The following FBXO47 variants were observed in gnomAD, a reference collection of about 807,000 sequenced individuals.
FBXO47 encodes the protein F-box protein 47.
Under a neutral mutation model 53.9 loss-of-function variants are expected in FBXO47, and 34 were observed. The observed-to-expected ratio is 0.63, with a 90% CI of 0.48 to 0.84. The LOEUF (loss-of-function observed/expected upper bound fraction) is 0.84. Ranked by LOEUF, FBXO47 falls within the 40% of genes least tolerant of loss-of-function variation. The pLI is 0.00. For synonymous variants in FBXO47, 165 were observed against 181.6 expected (o/e 0.91, Z 0.73); for missense variants, 485 against 541.3 (o/e 0.90, Z 1.03).
intron 9 of FBXO47, among the ~76,000 whole-genome samples, chr17:38,941,133 A>T (rs9896240): frequency 6.6e-6 from 1 of 151,222 alleles, no homozygotes; most frequent in African/African-American, 2.4e-5. Flanking sequence ...ACAGGCACGC[A>T]TGCCACAACT....
intron 8 of FBXO47, among the ~76,000 whole-genome samples, chr17:38,943,179 T>C (rs1904588029): frequency 6.6e-6 from 1 of 152,152 alleles, no homozygotes; most frequent in Non-Finnish European, 1.5e-5. Context: ...GGCAAAGTGT[T>C]CTAATCCTGT....
intron 6 of FBXO47, among the ~76,000 whole-genome samples, chr17:38,945,619 C>T (rs550959647): frequency 1.3e-5 from 2 of 151,554 alleles, no homozygotes; most frequent in African/African-American, 2.4e-5. Context: ...GCCAATATGG[C>T]GAAACCCTGT....
chr17:38,947,093 A>C (rs1411685025), intron 6 of FBXO47, among the ~76,000 whole-genome samples: 1 of 137,078 alleles, frequency 7.3e-6, no homozygotes, highest in Non-Finnish European at 1.5e-5. Flanking sequence ...CATATATATA[A>C]ACATATATAT....
chr17:38,940,577 T>C (rs531230221), intron 9 of FBXO47, among the ~76,000 whole-genome samples: 1 of 152,106 alleles, frequency 6.6e-6, no homozygotes, highest in South Asian at 2.1e-4. Flanking sequence ...ACTGAACTGC[T>C]TACAGTGTCC....
intron 6 of FBXO47, among the ~76,000 whole-genome samples, chr17:38,946,320 A>G (rs1458949645): frequency 4.5e-4 from 45 of 99,484 alleles, no homozygotes; most frequent in South Asian, 6.8e-4. Flanking sequence ...ATATAAATAT[A>G]TATAAATATA....
intron 7 of FBXO47, among the ~76,000 whole-genome samples, chr17:38,944,460 T>C (rs1417322298): frequency 1.3e-5 from 2 of 151,236 alleles, no homozygotes; most frequent in Non-Finnish European, 2.9e-5. Flanking sequence ...CCCAGCACTT[T>C]GGAAGGCCGA....
intron 6 of FBXO47, among the ~76,000 whole-genome samples, chr17:38,945,792 C>T (rs938866470): frequency 2.0e-4 from 30 of 150,936 alleles, no homozygotes; most frequent in Non-Finnish European, 3.8e-4. Context: ...AAAAATAAGC[C>T]GGGAGTGATG....
intron 6 of FBXO47, among the ~76,000 whole-genome samples, chr17:38,950,619 C>A (rs1366986038): frequency 3.3e-5 from 5 of 151,932 alleles, no homozygotes; most frequent in Non-Finnish European, 5.9e-5. Flanking sequence ...CATTCATATG[C>A]ATGTCTCCTT....
In FBXO47 at chr17:38,936,574, T is replaced by C. The variant is rs1258635408; in HGVS notation, c.*601A>G. The C allele has an allele frequency of 6.7e-6, 1 of 150,294 alleles. No homozygotes were observed. Among genetic ancestry groups the C allele is most frequent in the East Asian group, 2.0e-4 (1 of 4,928 alleles). 9.3% of individuals were successfully genotyped at this position (150,294 alleles called of 1,614,324 possible). ...TATGATTACCTTAAAGAAGGAAATA[T>C]ATGTCTGTGTGTGTGTGTCTATATA... is the stretch of plus-strand genomic sequence containing the variant. On this transcript the variant is annotated 3_prime_UTR_variant, in exon 11 of 11. Transcript: ENST00000378079.
intron 3 of FBXO47, among the ~76,000 whole-genome samples, 178 bp from the exon 4 acceptor site, chr17:38,957,431 T>C (rs1385591002): frequency 6.6e-6 from 1 of 152,182 alleles, no homozygotes; most frequent in Non-Finnish European, 1.5e-5. Context: ...ATTTATGGTA[T>C]TTACCAAGTG....
intron 4 of FBXO47, among the ~76,000 whole-genome samples, chr17:38,955,835 G>A (rs1905524685): frequency 6.6e-6 from 1 of 151,874 alleles, no homozygotes; most frequent in Non-Finnish European, 1.5e-5. Flanking sequence ...GCGCACGCCT[G>A]TAATCCTAGC....
Position 38,945,102 on chromosome 17 carries a change from G to A in FBXO47, c.651C>T (p.Leu217=). The A allele has an allele frequency of 6.2e-7, 1 of 1,613,650 alleles. No individual in the cohort carries two copies. ...GATCAAGGAGGACATTCCTACAGAA[G>A]AGTCTGATTCTTAACTCCAGTTTTT... ...SAQKLELRIR[L]FCRNVLLDHW... The change falls in exon 7 of 11, where the codon CTC becomes CTT. Residue 217 remains leucine, a synonymous_variant. Coordinates refer to ENST00000378079, the MANE Select transcript of FBXO47 (RefSeq NM_001008777.3).
Position 38,957,235 on chromosome 17 carries a change from C to T in FBXO47, c.371G>A (p.Cys124Tyr). The change falls in exon 4 of 11, where the codon TGC becomes TAC. Residue 124 changes from cysteine to tyrosine, a missense_variant. Cys to Tyr is a radical substitution (Grantham distance 194). Coordinates refer to ENST00000378079, the MANE Select transcript of FBXO47 (RefSeq NM_001008777.3). The stretch of plus-strand genomic sequence containing the variant: ...TTCCTTGGTGGGTAGCAGCAATGTG[C>T]ATCTTTTAAACAGTAGACCTAAGAA... Reference protein sequence around the residue: ...YRSLGLLFKRCTLLLPTKERL... With the variant: ...YRSLGLLFKRYTLLLPTKERL... 1.2e-6 allele frequency: 2 copies of T among 1,610,678 alleles called. No individual in the cohort carries two copies. The highest frequency in any genetic ancestry group is 1.7e-6 in the Non-Finnish European group (2 of 1,177,466).
intron 3 of FBXO47, among the ~76,000 whole-genome samples, chr17:38,958,355 T>C (rs1398844525): frequency 6.6e-6 from 1 of 152,054 alleles, no homozygotes; most frequent in Non-Finnish European, 1.5e-5. Context: ...GATTTTTTTT[T>C]TCCCCACAGA....
chr17:38,962,934 A>T lies in FBXO47; in HGVS notation c.92T>A (p.Leu31His). 6.2e-7 allele frequency: 1 copy of T among 1,613,660 alleles called. No homozygotes were observed. Among genetic ancestry groups the T allele is most frequent in the Non-Finnish European group, 8.5e-7 (1 of 1,179,646 alleles). Residue 31 changes from leucine (L) to histidine (H), a missense_variant, in exon 2 of 11, where the codon CTT becomes CAT. Coordinates refer to ENST00000378079, the MANE Select transcript of FBXO47 (RefSeq NM_001008777.3). ...TGATATGGGTTGAAAGCCTGAGCCAAGGGTCTTGGAATAACAGCTGGTTTG... is the reference window on the plus strand; with the variant it reads ...TGATATGGGTTGAAAGCCTGAGCCATGGGTCTTGGAATAACAGCTGGTTTG... Reference protein sequence around the residue: ...NRQTSCYSKTLGSGFQPISTF... With the variant: ...NRQTSCYSKTHGSGFQPISTF...
chr17:38,963,300 C>A lies in FBXO47; in HGVS notation c.-26-249G>T, dbSNP rs191780306. Among the ~76,000 whole-genome samples, 201 of 152,174 alleles carry A rather than the reference C, an allele frequency of 1.3e-3. 1 individual carries two copies. The highest frequency in any genetic ancestry group is 4.6e-3 in the African/African-American group (192 of 41,524). ...TCAAGTGGTTCTTCTGCCTCAGCCTCCTAAGTAGCTGGGATTACAGTCATG... is the reference window on the plus strand; with the variant it reads ...TCAAGTGGTTCTTCTGCCTCAGCCTACTAAGTAGCTGGGATTACAGTCATG... On this transcript the variant is annotated intron_variant, in intron 1 of 10. Transcript: ENST00000378079.
chr17:38,945,967 ATATAT>A (rs1904749767), intron 6 of FBXO47, among the ~76,000 whole-genome samples: 1 of 137,186 alleles, frequency 7.3e-6, no homozygotes, highest in South Asian at 2.2e-4. Flanking sequence ...ATATATATAA[ATATAT>A]AAATATATAT....
rs1449710676 is a variant in FBXO47, at chr17:38,936,848, C to T, written c.*327G>A. Reference sequence around the variant, plus strand: ...GTCTAACTATAAAATGGAATTTTCTCTTGCTTCAAAAATGCATACATACAG... The same window carrying T: ...GTCTAACTATAAAATGGAATTTTCTTTTGCTTCAAAAATGCATACATACAG... On this transcript the variant is annotated 3_prime_UTR_variant, in exon 11 of 11. Coordinates refer to ENST00000378079, the MANE Select transcript of FBXO47 (RefSeq NM_001008777.3). 2 of 187,490 alleles carry T rather than the reference C, an allele frequency of 1.1e-5. No homozygotes were observed. Among genetic ancestry groups the T allele is most frequent in the African/African-American group, 2.3e-5 (1 of 42,846 alleles). The allele number at this position is 187,490 out of a possible 1,614,324, so 11.6% of individuals were successfully genotyped here. A position where few individuals can be genotyped will look rare whatever the true frequency, so the allele number is the denominator to read the frequency against.
At chr17:38,946,317 T>TATATGA (rs1567716524) in intron 6 of FBXO47, among the ~76,000 whole-genome samples, 10 of 92,006 alleles carry the variant, frequency 1.1e-4, no homozygotes, top group African/African-American at 5.3e-4. Flanking sequence ...AATATATAAA[T>TATATGA]ATATATAAAT....
Sources: gnomAD v4.1 joint callset for allele counts (sites outside exome capture counted in the v4.1 genomes callset) on GRCh38, gnomAD v4.1.1 for gene constraint, MANE v1.5 for transcripts, NCBI Gene and HGNC (gene_info 2026-07-23, HGNC 2026-07-21) for gene names.